Variants in ZNF385C observed in about 807,000 individuals in gnomAD.
ZNF385C encodes zinc finger protein 385C.
A neutral mutation model predicts 35.4 loss-of-function variants in ZNF385C; 28 were observed. The observed-to-expected ratio is 0.79, with a 90% CI of 0.59 to 1.08. The LOEUF (loss-of-function observed/expected upper bound fraction) is 1.08, where lower values mean the gene tolerates loss of function less well. Among genes scored for constraint, ZNF385C ranks in the 50% least tolerant of loss-of-function variants. The pLI, the probability that ZNF385C is intolerant of heterozygous loss-of-function variation, is 0.00. For missense variants in ZNF385C, 605 were observed against 595.6 expected (o/e 1.02, Z -0.16); for synonymous variants, 248 against 248.2 (o/e 1.00, Z 0.01).
intron 5 of ZNF385C, among the ~76,000 whole-genome samples, chr17:42,031,276 C>T (rs55714039): frequency 0.011 from 1,637 of 152,270 alleles, 31 homozygotes; most frequent in African/African-American, 0.037. Context: ...TTAAAGCAAT[C>T]CTCCCGCCTC....
At chr17:42,033,478 C>T (rs1331106821) in intron 4 of ZNF385C, among the ~76,000 whole-genome samples, 9 of 152,156 alleles carry the variant, frequency 5.9e-5, no homozygotes, top group Admixed American at 3.9e-4. Flanking sequence ...AGGCCAGGCG[C>T]GGTGGCTCAC....
At chr17:42,084,432 G>T (rs1555659981) in intron 1 of ZNF385C, among the ~76,000 whole-genome samples, 1 of 151,758 alleles carries the variant, frequency 6.6e-6, no homozygotes, top group Non-Finnish European at 1.5e-5. Context: ...TCTTTGGCAG[G>T]TTTCTCCAAG....
At chr17:42,071,044 C>A (rs1430124265) in intron 1 of ZNF385C, among the ~76,000 whole-genome samples, 1 of 151,872 alleles carries the variant, frequency 6.6e-6, no homozygotes, top group African/African-American at 2.4e-5. Flanking sequence ...TCACCCAGGG[C>A]CACACCCTGA....
At chr17:42,070,876 A>G (rs529961982) in intron 1 of ZNF385C, among the ~76,000 whole-genome samples, 5 of 152,306 alleles carry the variant, frequency 3.3e-5, no homozygotes, top group African/African-American at 1.2e-4. Flanking sequence ...GGGGCCGTCA[A>G]TGAGCATTTT....
chr17:42,055,610 T>A (rs1162025636), intron 2 of ZNF385C, among the ~76,000 whole-genome samples: 29 of 152,094 alleles, frequency 1.9e-4, no homozygotes, highest in Admixed American at 1.9e-3. Flanking sequence ...AGTATGTGTG[T>A]GGGAGGCCGT....
In ZNF385C at chr17:42,062,895, C is replaced by T. The variant is rs781922039; in HGVS notation, c.162G>A (p.Ser54=). Residue 54 remains serine, a synonymous_variant, in exon 2 of 9, where the codon TCG becomes TCA. Transcript: ENST00000692273. ...CACAGTGCACCTGGGCCTGGGCCGC[C>T]GAGTTCAGCTGGATGTTGCAGACAT... is the stretch of plus-strand genomic sequence containing the variant. ...LCDVCNIQLN[S]AAQAQVHCGG... 1.0e-5 allele frequency: 7 copies of T among 681,752 alleles called. No homozygotes were observed. The highest frequency in any genetic ancestry group is 7.1e-5 in the African/African-American group (4 of 56,060). 42.2% of individuals were successfully genotyped at this position (681,752 alleles called of 1,614,324 possible).
Position 42,050,142 on chromosome 17 carries a change from C to G in ZNF385C, c.251-12257G>C, listed in dbSNP as rs1555656972. Among the ~76,000 whole-genome samples, 1 of 151,240 alleles carries G rather than the reference C, an allele frequency of 6.6e-6. No homozygotes were observed. The highest frequency in any genetic ancestry group is 2.0e-4 in the East Asian group (1 of 5,070). ...GACACAGGTCTCCTCTCATTTCTCT[C>G]CACACCCTGACCAGCCGGATGGGAG... On this transcript the variant is annotated intron_variant, in intron 2 of 8. Coordinates refer to ENST00000692273, the MANE Select transcript of ZNF385C (RefSeq NM_001392013.1). This position sits in a 1 kb window ranked among gnomAD's most constrained non-coding sequence, Gnocchi z 5.6.
intron 5 of ZNF385C, 56 bp from the exon 6 acceptor site, chr17:42,029,129 T>A: frequency 6.6e-7 from 1 of 1,505,604 alleles, no homozygotes; most frequent in Non-Finnish European, 8.9e-7. Context: ...ACCACGATCT[T>A]CAGCTCTGAC....
chr17:42,081,449 C>T (rs2053748233), intron 1 of ZNF385C, among the ~76,000 whole-genome samples: 1 of 152,176 alleles, frequency 6.6e-6, no homozygotes, highest in Non-Finnish European at 1.5e-5. Flanking sequence ...TCCAGTGGTG[C>T]AATCTCTGCT....
chr17:42,032,903 T>C (rs1275677792), intron 4 of ZNF385C, among the ~76,000 whole-genome samples: 1 of 151,928 alleles, frequency 6.6e-6, no homozygotes, highest in Non-Finnish European at 1.5e-5. Flanking sequence ...TTCTGTATTT[T>C]AGTAGAGATG....
chr17:42,092,854 G>A (rs2053876615), intron 1 of ZNF385C, among the ~76,000 whole-genome samples: 2 of 151,852 alleles, frequency 1.3e-5, no homozygotes, highest in South Asian at 4.2e-4. Flanking sequence ...GGACTGAACA[G>A]AGCTGAGATC....
At chr17:42,040,666 G>T (rs2052996815) in intron 2 of ZNF385C, 1 of 1,232,228 alleles carries the variant, frequency 8.1e-7, no homozygotes, top group South Asian at 4.1e-5. Context: ...AGGCAGCAGG[G>T]AGGCCCAGGG....
At chr17:42,075,335 C>G (rs7224322) in intron 1 of ZNF385C, among the ~76,000 whole-genome samples, 55,319 of 151,776 alleles carry the variant, frequency 0.36, 11,458 homozygotes, top group African/African-American at 0.55. Flanking sequence ...CTATACTGAG[C>G]GCTCCTCCCC....
At chr17:42,027,551 C>G in intron 8 of ZNF385C, 67 bp downstream of exon 8, 2 of 525,318 alleles carry the variant, frequency 3.8e-6, no homozygotes, top group Non-Finnish European at 3.5e-6. Flanking sequence ...GCCCCCCCAT[C>G]TGGCCCTCCC....
intron 5 of ZNF385C, among the ~76,000 whole-genome samples, chr17:42,031,298 G>T (rs2052723653): frequency 6.6e-6 from 1 of 152,106 alleles, no homozygotes; most frequent in Admixed American, 6.5e-5. Context: ...GCCTCCCAAA[G>T]TGTTAACCAT....
At chr17:42,032,408 C>T (rs782278913) in intron 4 of ZNF385C, among the ~76,000 whole-genome samples, 2 of 152,160 alleles carry the variant, frequency 1.3e-5, no homozygotes, top group Non-Finnish European at 2.9e-5. Context: ...TGAGTCTCCT[C>T]ACCCATAAAC....
chr17:42,039,969 C>T (rs1293137819), intron 2 of ZNF385C: 11 of 1,230,952 alleles, frequency 8.9e-6, no homozygotes, highest in African/African-American at 3.1e-5. Flanking sequence ...CGTGCAGCTC[C>T]GAGTGCGCGC....
chr17:42,062,747 G>T (rs1212503768), intron 2 of ZNF385C, 60 bp downstream of exon 2: 1 of 500,924 alleles, frequency 2.0e-6, no homozygotes, highest in Non-Finnish European at 3.5e-6. Context: ...CCTCAGAGGG[G>T]CCCAGACAGA....
intron 2 of ZNF385C, chr17:42,039,995 A>T: frequency 8.1e-7 from 1 of 1,231,002 alleles, no homozygotes; most frequent in Non-Finnish European, 1.0e-6. Flanking sequence ...AGCTGGGTGC[A>T]CAGGGCCCGC....
Sources: gnomAD v4.1 joint callset for allele counts (sites outside exome capture counted in the v4.1 genomes callset) on GRCh38, gnomAD v4.1.1 for gene constraint, Gnocchi (gnomAD v3.1) non-coding constraint, MANE v1.5 for transcripts, NCBI Gene and HGNC (gene_info 2026-07-23, HGNC 2026-07-21) for gene names.